The following PHGDH variants were observed in gnomAD, a reference collection of about 807,000 sequenced individuals.
PHGDH encodes the protein phosphoglycerate dehydrogenase, also known as D-3-phosphoglycerate dehydrogenase.
Under a neutral mutation model 52.6 loss-of-function variants are expected in PHGDH, and 50 were observed. The observed-to-expected ratio is 0.95, with a 90% CI of 0.76 to 1.20. The LOEUF (loss-of-function observed/expected upper bound fraction) is 1.20, where lower values mean the gene tolerates loss of function less well. PHGDH is among the 50% of genes most tolerant of loss of function. The pLI, the probability that PHGDH is intolerant of heterozygous loss-of-function variation, is 0.00. For missense variants in PHGDH, 630 were observed against 684.6 expected (o/e 0.92, Z 0.89); for synonymous variants, 271 against 280.5 (o/e 0.97, Z 0.34).
At chr1:119,726,978 C>G (rs1651453910) in intron 4 of PHGDH, 26 bp from the exon 5 acceptor site, 6 of 1,609,020 alleles carry the variant, frequency 3.7e-6, no homozygotes, top group Non-Finnish European at 5.1e-6. Flanking sequence ...ACTTCAGCTT[C>G]TTTCCTTTTG....
chr1:119,732,179 T>C (rs1651723386), intron 5 of PHGDH, among the ~76,000 whole-genome samples: 1 of 152,206 alleles, frequency 6.6e-6, no homozygotes, highest in Non-Finnish European at 1.5e-5. Context: ...GAGGCCTCCT[T>C]GCTCTCCTCT....
At chr1:119,718,215 T>A (rs1651012114) in intron 1 of PHGDH, among the ~76,000 whole-genome samples, 1 of 152,220 alleles carries the variant, frequency 6.6e-6, no homozygotes, top group Admixed American at 6.5e-5. Context: ...ATGCTGTATT[T>A]GGAAGGTAGT....
chr1:119,740,664 C>T (rs891159217), intron 9 of PHGDH, 146 bp downstream of exon 9: 2 of 651,184 alleles, frequency 3.1e-6, no homozygotes, highest in Non-Finnish European at 2.6e-6. Context: ...AGCTCCCTTA[C>T]TACTGGTGGG....
chr1:119,734,544 T>C (rs1048123627), intron 5 of PHGDH, 90 bp from the exon 6 acceptor site: 1 of 1,257,224 alleles, frequency 8.0e-7, no homozygotes, highest in Non-Finnish European at 1.2e-6. Flanking sequence ...TAGTATATGG[T>C]AAATGCTCAA....
At chr1:119,741,510 G>A (rs1472200467) in intron 9 of PHGDH, among the ~76,000 whole-genome samples, 2 of 152,230 alleles carry the variant, frequency 1.3e-5, no homozygotes, top group Non-Finnish European at 2.9e-5. Context: ...GGGTTGGGGA[G>A]CGGAGTGGAG....
intron 1 of PHGDH, chr1:119,720,073 G>C (rs1651082911): frequency 6.6e-6 from 1 of 152,186 alleles, no homozygotes; most frequent in Admixed American, 6.5e-5. Flanking sequence ...CTGCCACTTT[G>C]GGACAGAGTG....
intron 3 of PHGDH, 138 bp downstream of exon 3, chr1:119,723,579 C>A: frequency 2.7e-6 from 2 of 728,670 alleles, no homozygotes; most frequent in Non-Finnish European, 5.0e-6. Flanking sequence ...GACATGCAGA[C>A]TGCAAAGAAC....
intron 3 of PHGDH, 105 bp downstream of exon 3, chr1:119,723,546 G>A (rs1405877238): frequency 2.4e-5 from 21 of 867,918 alleles, no homozygotes; most frequent in Non-Finnish European, 3.9e-5. Context: ...TCGTCTCAGC[G>A]ACTTGCAGAC....
chr1:119,740,887 C>T (rs1652173157), intron 9 of PHGDH, among the ~76,000 whole-genome samples: 1 of 152,216 alleles, frequency 6.6e-6, no homozygotes, highest in Non-Finnish European at 1.5e-5. Flanking sequence ...GGCCCTGTCT[C>T]TTCCCTGCTG....
chr1:119,727,726 T>A (rs587619015), intron 5 of PHGDH: 1 of 153,146 alleles, frequency 6.5e-6, no homozygotes, highest in Non-Finnish European at 1.4e-5. Context: ...CCCAGCTACT[T>A]GGGAGGCTGA....
chr1:119,735,009 T>C lies in PHGDH; in HGVS notation c.643+243T>C, dbSNP rs587646111. On this transcript the variant is annotated intron_variant, in intron 6 of 11. Coordinates refer to ENST00000641023, the MANE Select transcript of PHGDH (RefSeq NM_006623.4). ...GACAACCAGTGACCCCCATGGATGC[T>C]TTCTGCAGCCCCTGCAGGGCTTTCT... 769 of 622,244 alleles carry C rather than the reference T, an allele frequency of 1.2e-3. 1 individual carries two copies. Among genetic ancestry groups the C allele is most frequent in the Non-Finnish European group, 1.6e-3 (550 of 353,608 alleles). The allele number at this position is 622,244 out of a possible 1,614,324, so 38.5% of individuals were successfully genotyped here.
chr1:119,742,829 C>T lies in PHGDH; in HGVS notation c.1232C>T (p.Ala411Val), dbSNP rs1652273002. The change falls in exon 11 of 12, where the codon GCT (alanine) becomes GTT (valine). Residue 411 changes from alanine (A) to valine (V), a missense_variant. By Grantham distance (64) the Ala-to-Val change is moderately conservative. Transcript: ENST00000641023. ...GLNVTTSHSP[A>V]APGEQGFGEC... ...CAGGTCACCACCTCCCACAGCCCTG[C>T]TGCACCAGGGGAGCAAGGCTTCGGG... 2 of 1,611,528 alleles carry T rather than the reference C, an allele frequency of 1.2e-6. No individual in the cohort carries two copies. The highest frequency in any genetic ancestry group is 1.7e-5 in the Admixed American group (1 of 59,840).
intron 1 of PHGDH, among the ~76,000 whole-genome samples, chr1:119,718,687 G>A (rs1279232444): frequency 6.6e-6 from 1 of 152,188 alleles, no homozygotes; most frequent in African/African-American, 2.4e-5. Context: ...TTGGAGTTGT[G>A]AAGAGAATAA....
chr1:119,743,766 A>G (rs1392760700), intron 11 of PHGDH, 120 bp from the exon 12 acceptor site: 11 of 808,796 alleles, frequency 1.4e-5, no homozygotes, highest in Non-Finnish European at 2.2e-5. Flanking sequence ...TGATTCTGAG[A>G]CCATCATCCG....
rs146942450 is a variant in PHGDH, at chr1:119,731,706, A to G, written c.511-2928A>G. On this transcript the variant is annotated intron_variant, in intron 5 of 11. Transcript: ENST00000641023. ...ATGATATGCTGAAGATAATGCAACT[A>G]TGAACTGGTGAATTTCGGCTCAGCC... Among the ~76,000 whole-genome samples, 13 of 152,312 alleles carry G rather than the reference A, an allele frequency of 8.5e-5. No individual in the cohort carries two copies. In the East Asian group the frequency reaches 2.5e-3, roughly 29 times the overall value.
chr1:119,741,555 G>A (rs1005485164), intron 9 of PHGDH, among the ~76,000 whole-genome samples: 1 of 152,126 alleles, frequency 6.6e-6, no homozygotes, highest in African/African-American at 2.4e-5. Context: ...TTCTCAGGGT[G>A]GTTAAAACAT....
chr1:119,727,972 C>G (rs765911653), intron 5 of PHGDH, among the ~76,000 whole-genome samples: 1 of 152,144 alleles, frequency 6.6e-6, no homozygotes, highest in African/African-American at 2.4e-5. Context: ...GGGTGGTCCT[C>G]TGGGTGCACA....
intron 2 of PHGDH, 36 bp downstream of exon 2, chr1:119,721,357 G>T (rs373675801): frequency 1.9e-6 from 3 of 1,606,406 alleles, no homozygotes; most frequent in South Asian, 2.2e-5. Context: ...TTGGGGGTAG[G>T]GGGGTGAGTG....
In PHGDH at chr1:119,728,439, A is replaced by G. The variant is rs139580707; in HGVS notation, c.510+1337A>G. 1.8e-4 allele frequency among the ~76,000 whole-genome samples: 28 copies of G among 152,292 alleles called. No homozygotes were observed. In the East Asian group the frequency reaches 2.9e-3, roughly 16 times the overall value. On this transcript the variant is annotated intron_variant, in intron 5 of 11. Coordinates refer to ENST00000641023, the MANE Select transcript of PHGDH (RefSeq NM_006623.4). ...TCAGAAAAGATTTAAAAGTGCTTGT[A>G]TGTACACTATGATATGATTGTAGAG...
Sources: gnomAD v4.1 joint callset for allele counts (sites outside exome capture counted in the v4.1 genomes callset) on GRCh38, gnomAD v4.1.1 for gene constraint, MANE v1.5 for transcripts, NCBI Gene and HGNC (gene_info 2026-07-23, HGNC 2026-07-21) for gene names.